The following RNF213 variants were observed in gnomAD, a reference collection of about 807,000 sequenced individuals.
RNF213 encodes E3 ubiquitin-protein ligase RNF213.
RNF213 carries 341 observed loss-of-function variants against 514.4 expected under a neutral mutation model. That is an observed-to-expected ratio of 0.66 (90% CI 0.61 to 0.73). RNF213 has a LOEUF of 0.73. RNF213 is among the 30% of genes least tolerant of loss of function. The probability of loss-of-function intolerance (pLI) is 0.00; values close to 1 mark genes in which losing one functional copy is unlikely to be tolerated. For synonymous variants in RNF213, 2,655 were observed against 2,658.2 expected, an observed-to-expected ratio of 1.00 and a Z score of 0.04; for missense variants, 5,767 against 6,615.6, an observed-to-expected ratio of 0.87 and a Z score of 4.45.
intron 2 of RNF213, among the ~76,000 whole-genome samples, chr17:80,269,654 A>G (rs1288120101): frequency 6.6e-6 from 1 of 151,900 alleles, no homozygotes; most frequent in African/African-American, 2.4e-5. Flanking sequence ...CTATTCATCC[A>G]TCAATCTATC....
intron 62 of RNF213, 59 bp from the exon 63 acceptor site, chr17:80,386,631 T>C: frequency 6.4e-7 from 1 of 1,571,490 alleles, no homozygotes; most frequent in Admixed American, 1.7e-5. Flanking sequence ...CCCTGCAACA[T>C]AGAGCCCTAG....
At chr17:80,369,918 C>A (rs2079448482) in intron 46 of RNF213, 51 bp downstream of exon 46, 1 of 1,263,132 alleles carries the variant, frequency 7.9e-7, no homozygotes, top group Non-Finnish European at 1.2e-6. Flanking sequence ...TTTTTCTCTT[C>A]ATCGCAGCGT....
chr17:80,365,108 GCAGTGGTGTCCAGCAACAGTGGCCACT>G (rs370426640), intron 42 of RNF213: 133 of 171,902 alleles, frequency 7.7e-4, no homozygotes, highest in African/African-American at 3.1e-3. Flanking sequence ...CTGTGGCCAC[GCAGTGGTGTCCAGCAACAGTGGCCACT>G]CAGCCAAACA....
At position 80,290,704 on chromosome 17, in the gene RNF213, A is replaced by G. The variant is rs371407824; in HGVS notation, c.1247A>G (p.Asn416Ser). 2.2e-5 allele frequency: 36 copies of G among 1,614,194 alleles called. No homozygotes were observed. Among genetic ancestry groups the G allele is most frequent in the Non-Finnish European group, 2.9e-5 (34 of 1,180,034 alleles). Residue 416 changes from asparagine (N) to serine (S), a missense_variant, in exon 7 of 68, where the codon AAT (asparagine) becomes AGT (serine). Asn to Ser is a conservative substitution (Grantham distance 46). Transcript: ENST00000582970. ...EEFGESKWDS[N>S]ICELHYTRDL... is the part of the protein sequence containing the mutation. ...TTTGGGGAGTCAAAATGGGACAGCA[A>G]TATCTGTGAGCTGCACTACACCAGG...
At chr17:80,391,456 A>G (rs2080468788) in intron 67 of RNF213, among the ~76,000 whole-genome samples, 2 of 152,142 alleles carry the variant, frequency 1.3e-5, no homozygotes, top group African/African-American at 4.8e-5. Context: ...ATTTTAGTAC[A>G]GAGACGGGGT....
At chr17:80,387,982 C>T (rs972795018) in intron 63 of RNF213, among the ~76,000 whole-genome samples, 4 of 131,276 alleles carry the variant, frequency 3.0e-5, no homozygotes, top group African/African-American at 6.1e-5. Flanking sequence ...TTTTTTGAGA[C>T]GGAGTCTCGC....
At chr17:80,296,394 C>T (rs1021809689) in intron 10 of RNF213, among the ~76,000 whole-genome samples, 2 of 152,176 alleles carry the variant, frequency 1.3e-5, no homozygotes, top group African/African-American at 2.4e-5. Flanking sequence ...GAGGTTGTGG[C>T]GTGACGCCAG....
At chr17:80,372,913 G>C in intron 48 of RNF213, 62 bp from the exon 49 acceptor site, 3 of 1,547,712 alleles carry the variant, frequency 1.9e-6, no homozygotes, top group Non-Finnish European at 2.6e-6. Context: ...GGTTGGCCTT[G>C]TGTCCTACAA....
intron 63 of RNF213, among the ~76,000 whole-genome samples, chr17:80,388,316 T>C (rs2080320889): frequency 6.6e-6 from 1 of 152,202 alleles, no homozygotes. Context: ...AATGAATAAA[T>C]GAATGGGATA....
At chr17:80,296,947 G>A (rs768174923) in intron 10 of RNF213, among the ~76,000 whole-genome samples, 2 of 151,378 alleles carry the variant, frequency 1.3e-5, no homozygotes, top group African/African-American at 4.9e-5. Flanking sequence ...CCAAAGTGCT[G>A]GGATTATAGA....
In RNF213 at chr17:80,384,037, AGTGCTTTG is replaced by A. The variant is rs1378553141; in HGVS notation, c.14322+112_14322+119del. On this transcript the variant is annotated intron_variant, in intron 59 of 67. Coordinates refer to ENST00000582970, the MANE Select transcript of RNF213 (RefSeq NM_001256071.3). ...ATAATCATTCTTAACAGACTATTCC[AGTGCTTTG>A]GTTTTGAATAGGATGTAGCAGAAGA... 98 of 1,385,404 alleles carry A rather than the reference AGTGCTTTG, an allele frequency of 7.1e-5. 2 individuals carry two copies. In the South Asian group the frequency reaches 1.0e-3, roughly 15 times the overall value. The allele number at this position is 1,385,404 out of a possible 1,614,324, so 85.8% of individuals were successfully genotyped here.
At position 80,348,012 on chromosome 17, in the gene RNF213, G is replaced by A. The variant is rs1352056967; in HGVS notation, c.9677G>A (p.Cys3226Tyr). Residue 3226 changes from cysteine (C) to tyrosine (Y), a missense_variant, in exon 29 of 68, where the codon TGC (cysteine) becomes TAC (tyrosine). Coordinates refer to ENST00000582970, the MANE Select transcript of RNF213 (RefSeq NM_001256071.3). Reference protein sequence around the residue: ...DVFIGYHSDACASVVLQVIER... With the variant: ...DVFIGYHSDAYASVVLQVIER... Reference sequence around the variant, plus strand: ...TTCATCGGCTACCACTCGGACGCCTGCGCGTCTGTGGTGCTGCAGGTCATA... The same window carrying A: ...TTCATCGGCTACCACTCGGACGCCTACGCGTCTGTGGTGCTGCAGGTCATA... 6.2e-7 allele frequency: 1 copy of A among 1,614,218 alleles called. No homozygotes were observed. The highest frequency in any genetic ancestry group is 1.7e-5 in the Admixed American group (1 of 60,030).
At chr17:80,381,202 C>G in intron 56 of RNF213, 1 of 627,346 alleles carries the variant, frequency 1.6e-6, no homozygotes, top group Non-Finnish European at 2.8e-6. Context: ...GAATCCACTT[C>G]AAATTAACAC....
intron 2 of RNF213, among the ~76,000 whole-genome samples, chr17:80,265,764 C>A (rs1318750032): frequency 6.6e-6 from 1 of 152,204 alleles, no homozygotes; most frequent in Non-Finnish European, 1.5e-5. Context: ...TGCAGGGCGT[C>A]TGCTGTTAAA....
rs1216296375 is a variant in RNF213 at position 80,317,756 on chromosome 17, A to G, written c.2901+479A>G. On this transcript the variant is annotated intron_variant, in intron 16 of 67. Transcript: ENST00000582970. The surrounding 1 kb of genome is among the most constrained non-coding windows in gnomAD (Gnocchi z 4.1). ...CAGTGCTCTCTTAGCTCCGCCGTCT[A>G]TGGACAGTAGTGTGTTATCAGCTCA... Among the ~76,000 whole-genome samples the G allele has an allele frequency of 3.3e-5, 5 of 152,144 alleles. No homozygotes were observed. Among genetic ancestry groups the G allele is most frequent in the East Asian group, 1.9e-4 (1 of 5,186 alleles).
At position 80,347,593 on chromosome 17, in the gene RNF213, C is replaced by T. The variant is rs367885315; in HGVS notation, c.9258C>T (p.Asn3086=). 45 of 1,614,062 alleles carry T rather than the reference C, an allele frequency of 2.8e-5. No individual in the cohort carries two copies. The highest frequency in any genetic ancestry group is 3.2e-5 in the Non-Finnish European group (38 of 1,180,052). The part of the protein sequence containing the change: ...KDQEYTQLCR[N]INRVKICMET... ...AAGAGTACACCCAGCTCTGCAGAAA[C>T]ATCAATCGTGTGAAGATCTGCATGG... The change falls in exon 29 of 68, where the codon AAC becomes AAT. Residue 3086 remains asparagine, a synonymous_variant. Transcript: ENST00000582970. The surrounding 1 kb of genome is among the most constrained non-coding windows in gnomAD (Gnocchi z 7.2).
chr17:80,374,195 C>T (rs2079646225), intron 49 of RNF213, among the ~76,000 whole-genome samples: 1 of 152,150 alleles, frequency 6.6e-6, no homozygotes, highest in Admixed American at 6.5e-5. Context: ...GTGCGGTGCG[C>T]CGCAAACGGA....
chr17:80,319,154 G>A (rs370268515), intron 16 of RNF213, 36 bp from the exon 17 acceptor site: 58 of 1,613,940 alleles, frequency 3.6e-5, no homozygotes, highest in South Asian at 1.1e-4. Context: ...CGCTGCATCC[G>A]AAAGCTCTGA....
chr17:80,351,807 A>AGAT lies in RNF213; in HGVS notation c.10303+5_10303+7dup, dbSNP rs1369918542. 2 of 1,374,004 alleles carry AGAT rather than the reference A, an allele frequency of 1.5e-6. No individual in the cohort carries two copies. The highest frequency in any genetic ancestry group is 3.3e-5 in the Admixed American group (2 of 59,726). The allele number at this position is 1,374,004 out of a possible 1,614,324, so 85.1% of individuals were successfully genotyped here. On this transcript the variant is annotated splice_donor_region_variant and intron_variant, in intron 32 of 67. Transcript: ENST00000582970. The stretch of plus-strand genomic sequence containing the variant: ...GCCTATGTGGGCTTCCACGGAGGTG[A>AGAT]GATCAGAACATCAGTCAGGGTATTT...
Sources: allele counts gnomAD v4.1 joint callset (sites outside exome capture counted in the v4.1 genomes callset), GRCh38; gene constraint gnomAD v4.1.1; non-coding constraint Gnocchi (gnomAD v3.1); transcripts MANE v1.5; gene names NCBI Gene and HGNC (gene_info 2026-07-23, HGNC 2026-07-21).